Variants in KIAA0825 observed in about 807,000 individuals in gnomAD.
KIAA0825 encodes uncharacterized protein KIAA0825.
KIAA0825 carries 119 observed loss-of-function variants against 147.6 expected under a neutral mutation model. The ratio of observed to expected loss-of-function variants is 0.81; its 90% confidence interval spans 0.69 to 0.94. The LOEUF is 0.94. Among genes scored for constraint, KIAA0825 ranks in the 40% least tolerant of loss-of-function variants. The pLI is 0.00. For synonymous variants in KIAA0825, 470 were observed against 518.1 expected, an observed-to-expected ratio of 0.91 and a Z score of 1.26; for missense variants, 1,381 against 1,472.7, an observed-to-expected ratio of 0.94 and a Z score of 1.02.
chr5:94,348,024 A>T (rs1027368216), intron 20 of KIAA0825, among the ~76,000 whole-genome samples: 1 of 152,198 alleles, frequency 6.6e-6, no homozygotes, highest in Non-Finnish European at 1.5e-5. Context: ...CAATAGAATT[A>T]AAGAAGTAGA....
intron 20 of KIAA0825, among the ~76,000 whole-genome samples, chr5:94,371,568 T>G (rs1400426622): frequency 6.6e-6 from 1 of 152,072 alleles, no homozygotes; most frequent in East Asian, 1.9e-4. Context: ...AGCCCCTTAT[T>G]AAACCATCAG....
At chr5:94,550,898 GA>G (rs1222258084) in intron 2 of KIAA0825, among the ~76,000 whole-genome samples, 2 of 149,836 alleles carry the variant, frequency 1.3e-5, no homozygotes, top group African/African-American at 4.9e-5. Flanking sequence ...TAATCACAAG[GA>G]ACTACATAAA....
intron 1 of KIAA0825, chr5:94,593,819 A>C (rs1287719329): frequency 3.0e-6 from 1 of 336,622 alleles, no homozygotes; most frequent in Non-Finnish European, 6.1e-6. Context: ...ATTATTGCTT[A>C]GTTATTTGAA....
At chr5:94,358,059 C>A (rs1744538261) in intron 20 of KIAA0825, among the ~76,000 whole-genome samples, 1 of 152,138 alleles carries the variant, frequency 6.6e-6, no homozygotes, top group Non-Finnish European at 1.5e-5. Context: ...CTAGGAAGGT[C>A]TTAGTTCATA....
At chr5:94,572,828 TATG>T (rs548768394) in intron 2 of KIAA0825, among the ~76,000 whole-genome samples, 52 of 152,304 alleles carry the variant, frequency 3.4e-4, no homozygotes, top group African/African-American at 1.2e-3. Context: ...TTTTGTTTGA[TATG>T]ATGAGTGTCT....
chr5:94,563,201 A>C (rs201369809), intron 2 of KIAA0825, among the ~76,000 whole-genome samples: 1 of 150,914 alleles, frequency 6.6e-6, no homozygotes, highest in Non-Finnish European at 1.5e-5. Context: ...AAAACAAAAA[A>C]AAAAAAATCA....
At chr5:94,520,057 G>A (rs1767870731) in intron 5 of KIAA0825, 191 bp downstream of exon 5, 4 of 1,132,548 alleles carry the variant, frequency 3.5e-6, no homozygotes, top group East Asian at 3.1e-5. Context: ...AATTTAATAA[G>A]AAAGAAAATA....
At chr5:94,283,169 A>G (rs1454974308) in intron 20 of KIAA0825, among the ~76,000 whole-genome samples, 1 of 152,082 alleles carries the variant, frequency 6.6e-6, no homozygotes, top group Non-Finnish European at 1.5e-5. Context: ...AAAATCTTTT[A>G]TTACATTTTG....
intron 2 of KIAA0825, among the ~76,000 whole-genome samples, chr5:94,546,517 CAGAGAGAGAG>C (rs34483380): frequency 1.0e-4 from 15 of 149,060 alleles, no homozygotes; most frequent in African/African-American, 2.0e-4. Flanking sequence ...TGGCTCAGCA[CAGAGAGAGAG>C]AGAGAGAGAG....
At chr5:94,278,655 G>C (rs1269902174) in intron 20 of KIAA0825, among the ~76,000 whole-genome samples, 1 of 152,092 alleles carries the variant, frequency 6.6e-6, no homozygotes, top group Non-Finnish European at 1.5e-5. Context: ...CAGGAAATTA[G>C]GCAACTTGTA....
intron 5 of KIAA0825, among the ~76,000 whole-genome samples, chr5:94,515,621 GTC>G (rs149480120): frequency 0.076 from 11,582 of 151,740 alleles, 1,477 homozygotes; most frequent in African/African-American, 0.27. Context: ...GTGAAATCCC[GTC>G]TCTACTAAAA....
chr5:94,328,383 C>A (rs148470114), intron 20 of KIAA0825, among the ~76,000 whole-genome samples: 1 of 152,054 alleles, frequency 6.6e-6, no homozygotes, highest in Admixed American at 6.5e-5. Context: ...TATTTATAGG[C>A]TAAAATTGTA....
At chr5:94,444,997 A>G (rs1358678158) in intron 13 of KIAA0825, among the ~76,000 whole-genome samples, 1 of 152,150 alleles carries the variant, frequency 6.6e-6, no homozygotes, top group African/African-American at 2.4e-5. Flanking sequence ...GAAGGTGAAG[A>G]GAAAGCAAGG....
At chr5:94,198,237 A>G (rs918708798) in intron 20 of KIAA0825, among the ~76,000 whole-genome samples, 2 of 151,986 alleles carry the variant, frequency 1.3e-5, no homozygotes, top group African/African-American at 2.4e-5. Flanking sequence ...ATGGGATTGC[A>G]TTCCTGATTT....
At chr5:94,278,725 A>G (rs1417475677) in intron 20 of KIAA0825, among the ~76,000 whole-genome samples, 2 of 152,134 alleles carry the variant, frequency 1.3e-5, no homozygotes, top group Admixed American at 1.3e-4. Context: ...CTACTTCTTA[A>G]GTCATATTTT....
chr5:94,477,310 T>C, intron 6 of KIAA0825, 105 bp from the exon 7 acceptor site: 5 of 701,558 alleles, frequency 7.1e-6, no homozygotes, highest in Non-Finnish European at 1.2e-5. Flanking sequence ...AGAAAAGTTC[T>C]ATCCACAGTA....
chr5:94,199,697 G>A (rs1269223550), intron 20 of KIAA0825, among the ~76,000 whole-genome samples: 1 of 152,226 alleles, frequency 6.6e-6, no homozygotes, highest in Admixed American at 6.5e-5. Context: ...CAGCACTCAT[G>A]TGCTGGTGGG....
At chr5:94,534,264 T>C (rs1415255769) in intron 3 of KIAA0825, among the ~76,000 whole-genome samples, 1 of 152,214 alleles carries the variant, frequency 6.6e-6, no homozygotes, top group African/African-American at 2.4e-5. Flanking sequence ...ACATACAATT[T>C]TCTAAAAGCT....
At chr5:94,487,097 CGA>C (rs1340898803) in intron 5 of KIAA0825, among the ~76,000 whole-genome samples, 1 of 152,082 alleles carries the variant, frequency 6.6e-6, no homozygotes, top group African/African-American at 2.4e-5. Flanking sequence ...GACAATTATG[CGA>C]GGTCTGAGGA....
Sources: gnomAD v4.1 joint callset for allele counts (sites outside exome capture counted in the v4.1 genomes callset) on GRCh38, gnomAD v4.1.1 for gene constraint, MANE v1.5 for transcripts, NCBI Gene and HGNC (gene_info 2026-07-23, HGNC 2026-07-21) for gene names.